SLC12A4: variants seen among roughly 807,000 people sequenced by gnomAD.
The protein encoded by SLC12A4 is electroneutral potassium-chloride cotransporter 1.
A neutral mutation model predicts 119.2 loss-of-function variants in SLC12A4; 84 were observed. The ratio of observed to expected loss-of-function variants is 0.70; its 90% CI spans 0.59 to 0.85. The LOEUF (loss-of-function observed/expected upper bound fraction) is 0.85, where lower values mean the gene tolerates loss of function less well. Among genes scored for constraint, SLC12A4 ranks in the 40% least tolerant of loss-of-function variants. SLC12A4 has a pLI of 0.00. For missense variants in SLC12A4, 1,298 were observed against 1,476.3 expected (o/e 0.88, Z 1.98); for synonymous variants, 599 against 604.6 (o/e 0.99, Z 0.14).
In SLC12A4 at chr16:67,944,048, C is replaced by A; in HGVS notation, c.*792G>T. The stretch of plus-strand genomic sequence containing the variant: ...GCCAGAAGGGGGCGGCAGGAGGGAG[C>A]AGCAGCCCCAGCAGCAGCGTCACCC... On this transcript the variant is annotated 3_prime_UTR_variant, in exon 24 of 24. Transcript: ENST00000316341. This position sits in a 1 kb window ranked among gnomAD's most constrained non-coding sequence, Gnocchi z 6.6. 6.5e-7 allele frequency: 1 copy of A among 1,547,688 alleles called. No homozygotes were observed. Among genetic ancestry groups the A allele is most frequent in the Non-Finnish European group, 8.7e-7 (1 of 1,146,064 alleles).
Position 67,949,778 on chromosome 16 carries a change from G to A in SLC12A4, c.1748+22C>T, listed in dbSNP as rs1368096133. ...TCAGGAAGCCTTTCCCCATCCCCCT[G>A]CCCTGCCCGGCCCCAGCTCACATGG... On this transcript the variant is annotated intron_variant, in intron 13 of 23. Transcript: ENST00000316341. This position sits in a 1 kb window ranked among gnomAD's most constrained non-coding sequence, Gnocchi z 4.6. 6.5e-7 allele frequency: 1 copy of A among 1,549,526 alleles called. No individual in the cohort carries two copies. The highest frequency in any genetic ancestry group is 1.1e-5 in the South Asian group (1 of 89,232).
In SLC12A4 at chr16:67,947,396, G is replaced by A. The variant is rs1338700978; in HGVS notation, c.2007C>T (p.Ser669=). ...KEWGDGIRGL[S]LSAARYALLR... ...ACAGCGCGTAGCGGGCAGCGCTCAG[G>A]GACAGGCCTCGGATCCCGTCACCCC... Residue 669 remains serine (S), a synonymous_variant, in exon 16 of 24, where the codon TCC becomes TCT. Transcript: ENST00000316341. 4.3e-6 allele frequency: 7 copies of A among 1,612,846 alleles called. No individual in the cohort carries two copies. The highest frequency in any genetic ancestry group is 5.9e-6 in the Non-Finnish European group (7 of 1,179,888).
rs777641501 is a variant in SLC12A4 at position 67,954,655 on chromosome 16, G to A, written c.663C>T (p.Ile221=). The A allele has an allele frequency of 1.7e-5, 28 of 1,614,056 alleles. No individual in the cohort carries two copies. Among genetic ancestry groups the A allele is most frequent in the Non-Finnish European group, 2.0e-5 (24 of 1,180,016 alleles). ...CAGCCTGACTCACCAGCAAGATCTC[G>A]ATGGCCCCCAGGATGTACATGGCTG... is the stretch of plus-strand genomic sequence containing the variant. ...FAAAMYILGA[I]EILLTYIAPP... is the part of the protein sequence containing the mutation. Residue 221 remains isoleucine (I), a synonymous_variant, in exon 6 of 24, where the codon ATC becomes ATT. Transcript: ENST00000316341.
intron 1 of SLC12A4, among the ~76,000 whole-genome samples, chr16:67,964,250 G>GC (rs1179348897): frequency 6.6e-6 from 1 of 152,200 alleles, no homozygotes; most frequent in African/African-American, 2.4e-5. Flanking sequence ...CAACACAATG[G>GC]CCCCCTTGCC....
At chr16:67,968,141 C>T (rs534892819) in intron 1 of SLC12A4, among the ~76,000 whole-genome samples, 8 of 152,268 alleles carry the variant, frequency 5.3e-5, no homozygotes, top group African/African-American at 1.4e-4. Flanking sequence ...GTCCCCAAGC[C>T]GGGCGGCCCG....
Position 67,954,684 on chromosome 16 carries a change from C to T in SLC12A4, c.634G>A (p.Ala212Thr), listed in dbSNP as rs749730474. Residue 212 changes from alanine (A) to threonine (T), a missense_variant, in exon 6 of 24, where the codon GCA (alanine) becomes ACA (threonine). By Grantham distance (58) the Ala-to-Thr change is moderately conservative. Coordinates refer to ENST00000316341, the MANE Select transcript of SLC12A4 (RefSeq NM_005072.5). ...GCCCCCAGGATGTACATGGCTGCTG[C>T]GAATGTTGTTCCCAGGTAGAAGCAC... ...GLCFYLGTTF[A>T]AAMYILGAIE... 2.0e-5 allele frequency: 33 copies of T among 1,614,036 alleles called. No individual in the cohort carries two copies. The highest frequency in any genetic ancestry group is 6.7e-5 in the African/African-American group (5 of 74,910).
chr16:67,950,234 G>A lies in SLC12A4; in HGVS notation c.1629+85C>T, dbSNP rs762300531. 1.2e-5 allele frequency: 18 copies of A among 1,495,712 alleles called. No individual in the cohort carries two copies. Among genetic ancestry groups the A allele is most frequent in the Non-Finnish European group, 1.6e-5 (18 of 1,101,782 alleles). 92.7% of individuals were successfully genotyped at this position (1,495,712 alleles called of 1,614,324 possible). On this transcript the variant is annotated intron_variant, in intron 12 of 23. Transcript: ENST00000316341. The surrounding 1 kb of genome is among the most constrained non-coding windows in gnomAD (Gnocchi z 4.3). ...CCGGGGGCCAATAAGGGCAGGACGT[G>A]CTGCATCTGTGTTCCCTATCTCTCT...
Position 67,966,780 on chromosome 16 carries a change from A to G in SLC12A4, c.115+1659T>C, listed in dbSNP as rs765261750. ...GGGCTCAGGGTGTCCCCCATCCTGT[A>G]GACAGCCAAGGTCTGGCTGGAAAGG... On this transcript the variant is annotated intron_variant, in intron 1 of 23. Coordinates refer to ENST00000316341, the MANE Select transcript of SLC12A4 (RefSeq NM_005072.5). The G allele has an allele frequency of 2.6e-6, 4 of 1,551,332 alleles. No individual in the cohort carries two copies. In the African/African-American group the frequency reaches 4.1e-5, roughly 16 times the overall value.
intron 5 of SLC12A4, 32 bp from the exon 6 acceptor site, chr16:67,954,805 C>A: frequency 6.2e-7 from 1 of 1,613,274 alleles, no homozygotes; most frequent in South Asian, 1.1e-5. Context: ...GTGCACAGGT[C>A]AAGGCTGGTT....
rs963213774 is a variant in SLC12A4, at chr16:67,950,037, T to A, written c.1630-119A>T. 7 of 797,988 alleles carry A rather than the reference T, an allele frequency of 8.8e-6. No homozygotes were observed. The highest frequency in any genetic ancestry group is 1.5e-5 in the Non-Finnish European group (7 of 478,996). The allele number at this position is 797,988 out of a possible 1,614,324, so 49.4% of individuals were successfully genotyped here. ...GCCTTGGGGGCTCAGGCCGCCCCTG[T>A]GTCTATCCCTATGGGTGTCACCAGT... is the stretch of plus-strand genomic sequence containing the variant. On this transcript the variant is annotated intron_variant, in intron 12 of 23. Coordinates refer to ENST00000316341, the MANE Select transcript of SLC12A4 (RefSeq NM_005072.5). The surrounding 1 kb of genome is among the most constrained non-coding windows in gnomAD (Gnocchi z 4.3).
intron 19 of SLC12A4, 24 bp from the exon 20 acceptor site, chr16:67,946,106 G>A (rs773582166): frequency 1.2e-5 from 20 of 1,612,718 alleles, no homozygotes; most frequent in African/African-American, 6.7e-5. Flanking sequence ...CCAGGTGGGC[G>A]GTTTGGTCAC....
chr16:67,949,059 G>A lies in SLC12A4; in HGVS notation c.1748+741C>T, dbSNP rs908863953. Among the ~76,000 whole-genome samples, 4 of 152,290 alleles carry A rather than the reference G, an allele frequency of 2.6e-5. No individual in the cohort carries two copies. Among genetic ancestry groups the A allele is most frequent in the African/African-American group, 7.2e-5 (3 of 41,564 alleles). Reference sequence around the variant, plus strand: ...GAGTCAACCAAACAAGCGCTGCCTCGGGGTCCCTGGGAGTCACCACATGCT... The same window carrying A: ...GAGTCAACCAAACAAGCGCTGCCTCAGGGTCCCTGGGAGTCACCACATGCT... On this transcript the variant is annotated intron_variant, in intron 13 of 23. Transcript: ENST00000316341. The surrounding 1 kb of genome is among the most constrained non-coding windows in gnomAD (Gnocchi z 4.6).
chr16:67,960,730 C>T (rs2030518706), intron 3 of SLC12A4, among the ~76,000 whole-genome samples: 1 of 151,740 alleles, frequency 6.6e-6, no homozygotes, highest in African/African-American at 2.4e-5. Context: ...AAATCCCCAG[C>T]CCTCAGCTAC....
At position 67,949,775 on chromosome 16, in the gene SLC12A4, C is replaced by T; in HGVS notation, c.1748+25G>A. The T allele has an allele frequency of 1.3e-6, 2 of 1,543,520 alleles. No individual in the cohort carries two copies. The highest frequency in any genetic ancestry group is 1.4e-5 in the African/African-American group (1 of 72,920). The stretch of plus-strand genomic sequence containing the variant: ...GGTTCAGGAAGCCTTTCCCCATCCC[C>T]CTGCCCTGCCCGGCCCCAGCTCACA... On this transcript the variant is annotated intron_variant, in intron 13 of 23. Transcript: ENST00000316341. This position sits in a 1 kb window ranked among gnomAD's most constrained non-coding sequence, Gnocchi z 4.6.
chr16:67,944,990 G>C lies in SLC12A4; in HGVS notation c.3167-59C>G. 6.2e-7 allele frequency: 1 copy of C among 1,610,800 alleles called. No homozygotes were observed. Among genetic ancestry groups the C allele is most frequent in the Non-Finnish European group, 8.5e-7 (1 of 1,178,182 alleles). On this transcript the variant is annotated intron_variant, in intron 23 of 23. Transcript: ENST00000316341. The surrounding 1 kb of genome is among the most constrained non-coding windows in gnomAD (Gnocchi z 6.6). Reference sequence around the variant, plus strand: ...AATCAACGGGCAACCCGGGCCACCTGGGCCATGCCCACCCAGGGGTGCCCA... The same window carrying C: ...AATCAACGGGCAACCCGGGCCACCTCGGCCATGCCCACCCAGGGGTGCCCA...
rs764315783 is a variant in SLC12A4, at chr16:67,945,880, A to G, written c.2740-9T>C. On this transcript the variant is annotated splice_polypyrimidine_tract_variant and intron_variant, in intron 20 of 23. Transcript: ENST00000316341. ...GAGATGTCACTGTTATGCTGGGGAC[A>G]GGGTTGGCCGTGAGGACCCAGCTGC... The G allele has an allele frequency of 6.8e-6, 11 of 1,613,774 alleles. No individual in the cohort carries two copies. Among genetic ancestry groups the G allele is most frequent in the South Asian group, 1.1e-5 (1 of 91,092 alleles).
At chr16:67,963,786 G>A (rs1598232131) in intron 1 of SLC12A4, 9 of 1,175,782 alleles carry the variant, frequency 7.7e-6, no homozygotes, top group African/African-American at 3.1e-5. Flanking sequence ...CTCCAGTGAA[G>A]GGAATCCAGG....
At position 67,948,804 on chromosome 16, in the gene SLC12A4, AAC is replaced by A. The variant is rs1452803837; in HGVS notation, c.1749-647_1749-646del. Among the ~76,000 whole-genome samples, 7 of 151,894 alleles carry A rather than the reference AAC, an allele frequency of 4.6e-5. No individual in the cohort carries two copies. In the East Asian group the frequency reaches 1.4e-3, roughly 29 times the overall value. The stretch of plus-strand genomic sequence containing the variant: ...TCACCACCCAAGATGGCTGTGGCAA[AAC>A]AGTTTCAGGTGTGCTCTTGGGTGAG... On this transcript the variant is annotated intron_variant, in intron 13 of 23. Transcript: ENST00000316341.
intron 21 of SLC12A4, 25 bp from the exon 22 acceptor site, chr16:67,945,578 C>T (rs2058334407): frequency 6.2e-7 from 1 of 1,605,454 alleles, no homozygotes; most frequent in Non-Finnish European, 8.5e-7. Context: ...AGGAGATAGC[C>T]TTGGTCCCAT....
Sources: gnomAD v4.1 joint callset for allele counts (sites outside exome capture counted in the v4.1 genomes callset) on GRCh38, gnomAD v4.1.1 for gene constraint, Gnocchi (gnomAD v3.1) non-coding constraint, MANE v1.5 for transcripts, NCBI Gene and HGNC (gene_info 2026-07-23, HGNC 2026-07-21) for gene names.